The following TSPAN5 variants were observed in gnomAD, a reference collection of about 807,000 sequenced individuals.
TSPAN5 encodes tetraspanin 5, also known as tetraspanin-5.
Under a neutral mutation model 37.1 loss-of-function variants are expected in TSPAN5, and 10 were observed. That is an observed-to-expected ratio of 0.27 (90% CI 0.17 to 0.46). The LOEUF is 0.46. TSPAN5 is among the 20% of genes least tolerant of loss of function. The pLI is 1.00. For missense variants in TSPAN5, 195 were observed against 326.6 expected (o/e 0.60, Z 3.11); for synonymous variants, 110 against 118.9 (o/e 0.93, Z 0.48).
chr4:98,588,314 CAGA>C (rs1231125851), intron 1 of TSPAN5, among the ~76,000 whole-genome samples: 1 of 151,616 alleles, frequency 6.6e-6, no homozygotes, highest in African/African-American at 2.4e-5. Flanking sequence ...ACAGAGACCG[CAGA>C]AGATCACAGA....
intron 2 of TSPAN5, among the ~76,000 whole-genome samples, chr4:98,505,194 C>T (rs1362121158): frequency 6.6e-6 from 1 of 152,078 alleles, no homozygotes; most frequent in African/African-American, 2.4e-5. Context: ...AGCCACAAAG[C>T]TGTGCTCTTT....
intron 1 of TSPAN5, among the ~76,000 whole-genome samples, chr4:98,508,270 C>T (rs575286451): frequency 6.6e-6 from 1 of 152,266 alleles, no homozygotes; most frequent in African/African-American, 2.4e-5. Context: ...TTTTCAGAAA[C>T]TTCGATTGTG....
intron 1 of TSPAN5, among the ~76,000 whole-genome samples, chr4:98,626,823 T>C (rs2110256859): frequency 6.6e-6 from 1 of 152,048 alleles, no homozygotes; most frequent in South Asian, 2.1e-4. Context: ...CTTGCTGTTT[T>C]ACTTATTTTT....
intron 1 of TSPAN5, among the ~76,000 whole-genome samples, chr4:98,573,167 G>C (rs750528718): frequency 1.3e-5 from 2 of 152,092 alleles, no homozygotes; most frequent in Non-Finnish European, 2.9e-5. Flanking sequence ...ATTTTGTTCT[G>C]TTCATGCTTT....
chr4:98,532,367 G>A (rs919181559), intron 1 of TSPAN5, among the ~76,000 whole-genome samples: 1 of 152,084 alleles, frequency 6.6e-6, no homozygotes, highest in Admixed American at 6.5e-5. Flanking sequence ...TTATTTCCTT[G>A]AGCAGTGGTT....
rs1757336613 is a variant in TSPAN5 at position 98,658,313 on chromosome 4, G to A, written c.-87C>T. Reference sequence around the variant, plus strand: ...GCTCGGAGCAGCCCGGCGGGGAGCAGGAGCTCAGGGACACCGCACGGGGCC... The same window carrying A: ...GCTCGGAGCAGCCCGGCGGGGAGCAAGAGCTCAGGGACACCGCACGGGGCC... On this transcript the variant is annotated 5_prime_UTR_variant, in exon 1 of 8. Coordinates refer to ENST00000305798, the MANE Select transcript of TSPAN5 (RefSeq NM_005723.4). 1.3e-5 allele frequency: 15 copies of A among 1,111,216 alleles called. No individual in the cohort carries two copies. Among genetic ancestry groups the A allele is most frequent in the Non-Finnish European group, 2.1e-5 (15 of 725,202 alleles). The allele number at this position is 1,111,216 out of a possible 1,614,324, so 68.8% of individuals were successfully genotyped here.
intron 4 of TSPAN5, among the ~76,000 whole-genome samples, chr4:98,480,065 C>T (rs1028041411): frequency 3.9e-5 from 6 of 152,178 alleles, no homozygotes; most frequent in African/African-American, 1.4e-4. Context: ...CTGGACCCAG[C>T]TTTCACTATC....
In TSPAN5 at chr4:98,481,849, A is replaced by C. The variant is rs556156657; in HGVS notation, c.450+156T>G. 6.8e-4 allele frequency among the ~76,000 whole-genome samples: 103 copies of C among 152,366 alleles called. 1 individual carries two copies. The highest frequency in any genetic ancestry group is 2.3e-3 in the African/African-American group (94 of 41,592). ...TTAGAATACAAATCCTGTAAGTCAC[A>C]GAGCAAGTCGGAAAATAATAAACAA... is the stretch of plus-strand genomic sequence containing the variant. On this transcript the variant is annotated intron_variant, in intron 4 of 7. Transcript: ENST00000305798.
chr4:98,546,354 C>A (rs1181609617), intron 1 of TSPAN5, among the ~76,000 whole-genome samples: 2 of 152,232 alleles, frequency 1.3e-5, no homozygotes, highest in African/African-American at 4.8e-5. Flanking sequence ...CATCCCTCAA[C>A]ACAGTGATAG....
intron 1 of TSPAN5, chr4:98,510,048 GCTT>G (rs1753571532): frequency 6.6e-6 from 1 of 152,128 alleles, no homozygotes; most frequent in African/African-American, 2.4e-5. Flanking sequence ...GAAGGCCTCT[GCTT>G]GATCGCTAAG....
intron 1 of TSPAN5, among the ~76,000 whole-genome samples, chr4:98,537,771 T>G (rs1455720086): frequency 6.6e-6 from 1 of 152,240 alleles, no homozygotes; most frequent in African/African-American, 2.4e-5. Context: ...CAAGCCAAGC[T>G]AGGCCATGGC....
chr4:98,598,552 C>T (rs2110217015), intron 1 of TSPAN5, among the ~76,000 whole-genome samples: 1 of 152,208 alleles, frequency 6.6e-6, no homozygotes, highest in South Asian at 2.1e-4. Flanking sequence ...GCAACCTCCA[C>T]CTCCCGGGCT....
At chr4:98,537,121 T>C (rs1048091225) in intron 1 of TSPAN5, among the ~76,000 whole-genome samples, 4 of 152,130 alleles carry the variant, frequency 2.6e-5, no homozygotes, top group Non-Finnish European at 5.9e-5. Flanking sequence ...CCCAGGGCCC[T>C]GGTGGGGTGG....
intron 3 of TSPAN5, chr4:98,484,634 C>A (rs1014938852): frequency 2.2e-6 from 1 of 449,356 alleles, no homozygotes; most frequent in Non-Finnish European, 4.4e-6. Flanking sequence ...AAGGGGCCAC[C>A]ACTATAAATG....
intron 1 of TSPAN5, among the ~76,000 whole-genome samples, chr4:98,544,469 T>C (rs1236700465): frequency 6.6e-6 from 1 of 152,106 alleles, no homozygotes; most frequent in Non-Finnish European, 1.5e-5. Context: ...CAACCTCATG[T>C]AGTCTGGTAA....
At chr4:98,565,977 C>G (rs147075291) in intron 1 of TSPAN5, among the ~76,000 whole-genome samples, 4 of 152,234 alleles carry the variant, frequency 2.6e-5, no homozygotes, top group African/African-American at 9.6e-5. Context: ...AGTGAACAAT[C>G]TAGAAGCCAA....
intron 1 of TSPAN5, among the ~76,000 whole-genome samples, chr4:98,634,413 T>C (rs776204054): frequency 6.6e-6 from 1 of 152,180 alleles, no homozygotes; most frequent in Admixed American, 6.5e-5. Flanking sequence ...GACTGTTACC[T>C]CCCAAATTTT....
intron 2 of TSPAN5, among the ~76,000 whole-genome samples, chr4:98,488,118 G>A (rs1280271128): frequency 2.0e-5 from 3 of 152,138 alleles, no homozygotes; most frequent in African/African-American, 7.2e-5. Flanking sequence ...TTATACTTGA[G>A]GAAAATGGAA....
intron 7 of TSPAN5, 115 bp from the exon 8 acceptor site, chr4:98,472,702 GT>G: frequency 1.2e-6 from 1 of 832,014 alleles, no homozygotes; most frequent in Non-Finnish European, 1.9e-6. Context: ...TAATTCATAT[GT>G]GGTAAAAAGC....
Sources: allele counts gnomAD v4.1 joint callset (sites outside exome capture counted in the v4.1 genomes callset), GRCh38; gene constraint gnomAD v4.1.1; transcripts MANE v1.5; gene names NCBI Gene and HGNC (gene_info 2026-07-23, HGNC 2026-07-21).